The following PTCHD4 variants were observed in gnomAD, a reference collection of about 807,000 sequenced individuals.
PTCHD4 encodes the protein patched domain-containing protein 4.
A neutral mutation model predicts 58.1 loss-of-function variants in PTCHD4; 33 were observed. The observed-to-expected ratio is 0.57, with a 90% CI of 0.43 to 0.76. The LOEUF (loss-of-function observed/expected upper bound fraction) is 0.76, where lower values mean the gene tolerates loss of function less well. PTCHD4 is among the 30% of genes least tolerant of loss of function. The probability of loss-of-function intolerance (pLI) is 0.00; values close to 1 mark genes in which losing one functional copy is unlikely to be tolerated. For synonymous variants in PTCHD4, 478 were observed against 409.6 expected, an observed-to-expected ratio of 1.17 and a Z score of -2.02; for missense variants, 1,058 against 1,027.1, an observed-to-expected ratio of 1.03 and a Z score of -0.41.
Position 47,893,697 on chromosome 6 carries a change from G to A in PTCHD4, c.899-13761C>T, listed in dbSNP as rs186826965. Among the ~76,000 whole-genome samples, 412 of 152,170 alleles carry A rather than the reference G, an allele frequency of 2.7e-3. 3 individuals are homozygous for A. Among genetic ancestry groups the A allele is most frequent in the African/African-American group, 8.0e-3 (331 of 41,512 alleles). On this transcript the variant is annotated intron_variant, in intron 4 of 4. Transcript: ENST00000339488. ...CATGAGTCCCTTAGTACAAATATCTGGTACACAATTACTGTGCTCCCTTAA... is the reference window on the plus strand; with the variant it reads ...CATGAGTCCCTTAGTACAAATATCTAGTACACAATTACTGTGCTCCCTTAA...
chr6:47,996,290 G>A (rs1193319835), intron 4 of PTCHD4, among the ~76,000 whole-genome samples: 1 of 152,112 alleles, frequency 6.6e-6, no homozygotes, highest in Non-Finnish European at 1.5e-5. Context: ...CCAACATGGT[G>A]AAACCCCATC....
At chr6:47,973,419 G>A (rs1767585667) in intron 4 of PTCHD4, among the ~76,000 whole-genome samples, 1 of 152,154 alleles carries the variant, frequency 6.6e-6, no homozygotes, top group African/African-American at 2.4e-5. Context: ...CAACAAAAAT[G>A]ACAATAAAAA....
At position 48,068,743 on chromosome 6, in the gene PTCHD4, AC is replaced by A; in HGVS notation, c.6-103del. 9.8e-7 allele frequency: 1 copy of A among 1,018,192 alleles called. No individual in the cohort carries two copies. The highest frequency in any genetic ancestry group is 1.3e-6 in the Non-Finnish European group (1 of 773,340). The allele number at this position is 1,018,192 out of a possible 1,614,324, so 63.1% of individuals were successfully genotyped here. ...CCCTCCCCACCGCCGCCGCCTCCCC[AC>A]CCACTCCGCGCTCACCCCACAACCA... On this transcript the variant is annotated intron_variant, in intron 2 of 4. Coordinates refer to ENST00000339488, the MANE Select transcript of PTCHD4 (RefSeq NM_001384253.1). This position sits in a 1 kb window ranked among gnomAD's most constrained non-coding sequence, Gnocchi z 4.2.
chr6:47,989,851 C>T (rs1223558270), intron 4 of PTCHD4, among the ~76,000 whole-genome samples: 30 of 152,170 alleles, frequency 2.0e-4, no homozygotes, highest in Admixed American at 2.0e-3. Flanking sequence ...CCTAGTGGAG[C>T]TGTGCGAAGA....
At chr6:48,087,824 C>A (rs1365840872) in intron 1 of PTCHD4, among the ~76,000 whole-genome samples, 1 of 152,072 alleles carries the variant, frequency 6.6e-6, no homozygotes, top group Non-Finnish European at 1.5e-5. Flanking sequence ...TTGAGTTAGG[C>A]CAGTAAGACA....
intron 4 of PTCHD4, among the ~76,000 whole-genome samples, chr6:47,908,203 G>C (rs917236092): frequency 1.3e-5 from 2 of 152,106 alleles, no homozygotes; most frequent in Non-Finnish European, 2.9e-5. Flanking sequence ...TGAGTCTAAA[G>C]AGGGACTCAG....
chr6:48,010,669 T>C (rs1286821040), intron 3 of PTCHD4, among the ~76,000 whole-genome samples: 1 of 152,166 alleles, frequency 6.6e-6, no homozygotes, highest in East Asian at 1.9e-4. Flanking sequence ...TACATAGTTA[T>C]ACATGTGCCA....
intron 1 of PTCHD4, among the ~76,000 whole-genome samples, chr6:48,105,540 C>G (rs1392047310): frequency 6.6e-6 from 1 of 152,156 alleles, no homozygotes; most frequent in East Asian, 1.9e-4. Context: ...ATTAAAAGAA[C>G]TAGCGAAGCA....
chr6:47,949,015 G>A (rs1766521057), intron 4 of PTCHD4, among the ~76,000 whole-genome samples: 1 of 152,142 alleles, frequency 6.6e-6, no homozygotes, highest in Non-Finnish European at 1.5e-5. Context: ...GCTGTTCATG[G>A]AGACAAATAA....
intron 4 of PTCHD4, among the ~76,000 whole-genome samples, chr6:47,885,235 A>C (rs969279662): frequency 6.6e-6 from 1 of 152,148 alleles, no homozygotes; most frequent in Non-Finnish European, 1.5e-5. Context: ...ACTGGGAGAA[A>C]AATTCAAGGA....
chr6:47,888,082 G>T (rs1335665375), intron 4 of PTCHD4, among the ~76,000 whole-genome samples: 1 of 152,190 alleles, frequency 6.6e-6, no homozygotes, highest in Non-Finnish European at 1.5e-5. Context: ...GTAGGGACGG[G>T]CATGGTGGAT....
chr6:47,986,459 T>C (rs921805582), intron 4 of PTCHD4, among the ~76,000 whole-genome samples: 3 of 152,170 alleles, frequency 2.0e-5, no homozygotes, highest in Non-Finnish European at 4.4e-5. Flanking sequence ...TTGAATGCTT[T>C]TAAGTAGCAT....
intron 4 of PTCHD4, among the ~76,000 whole-genome samples, chr6:47,954,131 CG>C (rs1289341281): frequency 6.6e-6 from 1 of 151,984 alleles, no homozygotes; most frequent in Middle Eastern, 3.2e-3. Flanking sequence ...CTGAGGTGGG[CG>C]GATCACTTGA....
chr6:47,888,226 G>C (rs1764255274), intron 4 of PTCHD4, among the ~76,000 whole-genome samples: 1 of 152,066 alleles, frequency 6.6e-6, no homozygotes, highest in South Asian at 2.1e-4. Context: ...GTGTGGTGGT[G>C]GGCGCCTATA....
chr6:47,963,944 A>T (rs540887026), intron 4 of PTCHD4, among the ~76,000 whole-genome samples: 1 of 152,350 alleles, frequency 6.6e-6, no homozygotes, highest in East Asian at 1.9e-4. Context: ...AAAGGTTTTG[A>T]CATAACTGTA....
intron 4 of PTCHD4, among the ~76,000 whole-genome samples, chr6:47,943,950 T>A (rs1028100856): frequency 6.6e-6 from 1 of 152,074 alleles, no homozygotes; most frequent in Non-Finnish European, 1.5e-5. Flanking sequence ...AAACACTTTT[T>A]TTGATGTTGA....
intron 4 of PTCHD4, among the ~76,000 whole-genome samples, chr6:47,956,924 G>A (rs909559298): frequency 1.3e-5 from 2 of 151,930 alleles, no homozygotes; most frequent in Admixed American, 6.6e-5. Flanking sequence ...AGCACTTTGG[G>A]AGGCCGAGGA....
At position 47,908,178 on chromosome 6, in the gene PTCHD4, C is replaced by G. The variant is rs1164095553; in HGVS notation, c.899-28242G>C. ...TGGAACCATAGCCCCAAAAGGCAGACCAGAACCTCCATGATGAGTCTAAAG... is the reference window on the plus strand; with the variant it reads ...TGGAACCATAGCCCCAAAAGGCAGAGCAGAACCTCCATGATGAGTCTAAAG... On this transcript the variant is annotated intron_variant, in intron 4 of 4. Transcript: ENST00000339488. Among the ~76,000 whole-genome samples the G allele has an allele frequency of 2.0e-5, 3 of 151,996 alleles. No homozygotes were observed. The East Asian group carries it at 5.8e-4, about 29-fold the overall frequency.
In PTCHD4 at chr6:47,887,057, T is replaced by TA. The variant is rs1256530439; in HGVS notation, c.899-7122_899-7121insT. Among the ~76,000 whole-genome samples the TA allele has an allele frequency of 9.8e-5, 15 of 152,312 alleles. 1 individual carries two copies. In the East Asian group the frequency reaches 2.9e-3, roughly 29 times the overall value. ...CTTTTGTATATTAATTATTGGCTTA[T>TA]GGTAAATGCTCAATAAATGTTTTTA... is the stretch of plus-strand genomic sequence containing the variant. On this transcript the variant is annotated intron_variant, in intron 4 of 4. Coordinates refer to ENST00000339488, the MANE Select transcript of PTCHD4 (RefSeq NM_001384253.1).
Sources: allele counts gnomAD v4.1 joint callset (sites outside exome capture counted in the v4.1 genomes callset), GRCh38; gene constraint gnomAD v4.1.1; non-coding constraint Gnocchi (gnomAD v3.1); transcripts MANE v1.5; gene names NCBI Gene and HGNC (gene_info 2026-07-23, HGNC 2026-07-21).